FBN2: variants seen among roughly 807,000 people sequenced by gnomAD.
The protein encoded by FBN2 is fibrillin 2, also known as fibrillin-2.
Under a neutral mutation model 355.6 loss-of-function variants are expected in FBN2, and 105 were observed. The observed-to-expected ratio is 0.30, with a 90% CI of 0.25 to 0.35. The LOEUF is 0.35. Among genes scored for constraint, FBN2 ranks in the 10% least tolerant of loss-of-function variants. The pLI is 1.00. For missense variants in FBN2, 3,280 were observed against 3,758.7 expected (o/e 0.87, Z 3.33); for synonymous variants, 1,350 against 1,301.2 (o/e 1.04, Z -0.81).
intron 6 of FBN2, among the ~76,000 whole-genome samples, chr5:128,456,343 C>G (rs1754394414): frequency 6.6e-6 from 1 of 152,182 alleles, no homozygotes; most frequent in Non-Finnish European, 1.5e-5. Context: ...GTCTCGGGAT[C>G]AGCAGACTTA....
At position 128,489,875 on chromosome 5, in the gene FBN2, G is replaced by A. The variant is rs545852648; in HGVS notation, c.629-24954C>T. Among the ~76,000 whole-genome samples the A allele has an allele frequency of 3.2e-4, 49 of 152,264 alleles. No individual in the cohort carries two copies. In the South Asian group the frequency reaches 5.4e-3, roughly 17 times the overall value. ...GGAAGCCAATATTGTATAGACTACAGATGAAGACTACAGATGTAGGAGCAT... is the reference window on the plus strand; with the variant it reads ...GGAAGCCAATATTGTATAGACTACAAATGAAGACTACAGATGTAGGAGCAT... On this transcript the variant is annotated intron_variant, in intron 5 of 64. Transcript: ENST00000262464.
chr5:128,449,540 TA>T (rs1754180488), intron 6 of FBN2, among the ~76,000 whole-genome samples: 1 of 150,088 alleles, frequency 6.7e-6, no homozygotes, highest in South Asian at 2.1e-4. Context: ...GTATAAACAC[TA>T]AAAAATAAGC....
intron 7 of FBN2, among the ~76,000 whole-genome samples, chr5:128,434,009 T>C (rs757125370): frequency 2.0e-5 from 3 of 152,062 alleles, no homozygotes; most frequent in Admixed American, 6.6e-5. Flanking sequence ...GCTCTTTAAA[T>C]AGCTGTCTTC....
At position 128,333,869 on chromosome 5, in the gene FBN2, ACACAC is replaced by A. The variant is rs201077919; in HGVS notation, c.4100-840_4100-836del. Among the ~76,000 whole-genome samples the A allele has an allele frequency of 9.4e-3, 1,149 of 122,516 alleles. 6 individuals carry two copies. Among genetic ancestry groups the A allele is most frequent in the African/African-American group, 0.021 (749 of 34,894 alleles). The allele number at this position is 122,516 out of a possible 152,430, so 80.4% of individuals were successfully genotyped here. A position where few individuals can be genotyped will look rare whatever the true frequency, so the allele number is the denominator to read the frequency against. ...CACACACACACACACACACACACACACACACACTACTGGCTTCACATCAACCCTGT... is the reference window on the plus strand; with the variant it reads ...CACACACACACACACACACACACACAACTACTGGCTTCACATCAACCCTGT... On this transcript the variant is annotated intron_variant, in intron 31 of 64. Coordinates refer to ENST00000262464, the MANE Select transcript of FBN2 (RefSeq NM_001999.4).
chr5:128,520,819 C>A (rs1469419359), intron 4 of FBN2, among the ~76,000 whole-genome samples: 1 of 152,140 alleles, frequency 6.6e-6, no homozygotes, highest in Non-Finnish European at 1.5e-5. Context: ...GAACCATACC[C>A]TTCTGCTTCT....
Position 128,276,152 on chromosome 5 carries a change from C to T in FBN2, c.7480G>A (p.Glu2494Lys). 1 of 1,613,690 alleles carries T rather than the reference C, an allele frequency of 6.2e-7. No individual in the cohort carries two copies. The highest frequency in any genetic ancestry group is 8.5e-7 in the Non-Finnish European group (1 of 1,179,692). Residue 2494 changes from glutamate (E) to lysine (K), a missense_variant, in exon 59 of 65, where the codon GAA (glutamate) becomes AAA (lysine). Around this residue, in one of 6 missense-constraint regions of FBN2, gnomAD observed 2,284 missense variants for 2,749.5 expected, o/e 0.83. Transcript: ENST00000262464. The stretch of plus-strand genomic sequence containing the variant: ...CATGGTTTCGGGGACTGGGAGCATT[C>T]ATCAAGGTCTAAGTAAAAGTGATGT... ...ISGTSCIDLD[E>K]CSQSPKPCNY...
At chr5:128,513,347 G>A (rs1301027198) in intron 5 of FBN2, among the ~76,000 whole-genome samples, 1 of 152,190 alleles carries the variant, frequency 6.6e-6, no homozygotes, top group African/African-American at 2.4e-5. Flanking sequence ...ATTTGTGTGT[G>A]TCTGGTAGTT....
intron 5 of FBN2, among the ~76,000 whole-genome samples, chr5:128,495,205 G>C (rs2127131768): frequency 9.2e-6 from 1 of 108,794 alleles, no homozygotes; most frequent in South Asian, 2.6e-4. Context: ...GCAAAAGAAA[G>C]GATCAGTGAA....
intron 5 of FBN2, among the ~76,000 whole-genome samples, chr5:128,492,350 A>G (rs953440484): frequency 6.6e-6 from 1 of 152,210 alleles, no homozygotes; most frequent in Non-Finnish European, 1.5e-5. Flanking sequence ...GTCAGAAGGA[A>G]ATGAGCCATG....
At chr5:128,346,129 G>A (rs567971516) in intron 23 of FBN2, among the ~76,000 whole-genome samples, 32 of 151,342 alleles carry the variant, frequency 2.1e-4, no homozygotes, top group African/African-American at 7.5e-4. Flanking sequence ...TGAATTTTCC[G>A]TTTTAAGGGA....
At chr5:128,455,264 T>G (rs957901409) in intron 6 of FBN2, among the ~76,000 whole-genome samples, 3 of 152,240 alleles carry the variant, frequency 2.0e-5, no homozygotes, top group African/African-American at 7.2e-5. Flanking sequence ...ACATTTTTAA[T>G]TCACTTGTTT....
chr5:128,333,666 C>G (rs1750752170), intron 31 of FBN2, among the ~76,000 whole-genome samples: 1 of 151,564 alleles, frequency 6.6e-6, no homozygotes, highest in Admixed American at 6.6e-5. Flanking sequence ...ATGCTTTCGC[C>G]AGTGTGTGTG....
intron 9 of FBN2, 137 bp downstream of exon 9, chr5:128,394,985 C>T (rs1752610151): frequency 2.2e-6 from 2 of 916,136 alleles, no homozygotes; most frequent in African/African-American, 1.6e-5. Flanking sequence ...AGGATTTCGC[C>T]ATGTTGCCCA....
chr5:128,418,442 T>C (rs1753261479), intron 7 of FBN2, among the ~76,000 whole-genome samples: 1 of 152,142 alleles, frequency 6.6e-6, no homozygotes. Flanking sequence ...TTAATTGTTT[T>C]ACTTAAAATC....
intron 7 of FBN2, among the ~76,000 whole-genome samples, chr5:128,413,376 A>C: frequency 6.6e-6 from 1 of 152,170 alleles, no homozygotes; most frequent in East Asian, 1.9e-4. Context: ...AGGAGGAAGA[A>C]TGTGAAAAAC....
intron 7 of FBN2, among the ~76,000 whole-genome samples, chr5:128,434,426 G>GT (rs1554068969): frequency 1.6e-5 from 1 of 63,894 alleles, no homozygotes; most frequent in African/African-American, 9.0e-5. Context: ...ATATATATAT[G>GT]GGCAGTAAGT....
intron 10 of FBN2, 44 bp from the exon 11 acceptor site, chr5:128,392,199 G>A: frequency 6.4e-7 from 1 of 1,559,534 alleles, no homozygotes; most frequent in Non-Finnish European, 8.8e-7. Flanking sequence ...ATTACAACAT[G>A]CATTACTTTT....
At chr5:128,444,088 C>A (rs1393802183) in intron 7 of FBN2, among the ~76,000 whole-genome samples, 2 of 93,666 alleles carry the variant, frequency 2.1e-5, no homozygotes, top group African/African-American at 4.8e-5. Flanking sequence ...TTTTTTGAGA[C>A]GGAGTCTCGC....
At chr5:128,381,647 C>A (rs1353373306) in intron 11 of FBN2, among the ~76,000 whole-genome samples, 1 of 152,046 alleles carries the variant, frequency 6.6e-6, no homozygotes, top group Non-Finnish European at 1.5e-5. Flanking sequence ...CATTACTAAG[C>A]TAAGTCTCTA....
Sources: allele counts gnomAD v4.1 joint callset (sites outside exome capture counted in the v4.1 genomes callset), GRCh38; gene constraint gnomAD v4.1.1; regional missense constraint gnomAD v4.1.1; transcripts MANE v1.5; gene names NCBI Gene and HGNC (gene_info 2026-07-23, HGNC 2026-07-21).